ZNF808: variants seen among roughly 807,000 people sequenced by gnomAD.
ZNF808 encodes the protein zinc finger protein 808.
Under a neutral mutation model 8.7 loss-of-function variants are expected in ZNF808, and 5 were observed. The ratio of observed to expected loss-of-function variants is 0.58; its 90% CI spans 0.30 to 1.21. The LOEUF is 1.21. Ranked by LOEUF, ZNF808 falls within the 50% of genes most tolerant of loss-of-function variation. The pLI is 0.07. For synonymous variants in ZNF808, 380 were observed against 366.0 expected (o/e 1.04, Z -0.44); for missense variants, 1,103 against 1,098.4 (o/e 1.00, Z -0.06).
At chr19:52,558,383 T>C (rs2059845881), downstream of ZNF808, among the ~76,000 whole-genome samples, 1 of 148,090 alleles carries the variant, frequency 6.8e-6, no homozygotes, top group Non-Finnish European at 1.5e-5. Flanking sequence ...TTTTATTTAT[T>C]TTTTTTGAGA....
intron 3 of ZNF808, among the ~76,000 whole-genome samples, chr19:52,546,882 T>A (rs2059726507): frequency 6.6e-6 from 1 of 151,500 alleles, no homozygotes; most frequent in South Asian, 2.1e-4. Context: ...GACCACATTG[T>A]CTACCTGCCT....
chr19:52,567,097 A>G (rs2059874708), downstream of ZNF808, among the ~76,000 whole-genome samples: 1 of 151,402 alleles, frequency 6.6e-6, no homozygotes, highest in South Asian at 2.1e-4. Context: ...GATTACAGGC[A>G]TGCACCACCA....
intron 3 of ZNF808, among the ~76,000 whole-genome samples, chr19:52,543,698 A>G (rs116860573): frequency 0.023 from 3,525 of 152,332 alleles, 59 homozygotes; most frequent in Non-Finnish European, 0.034. Flanking sequence ...GTCAGCTCAG[A>G]GAAACTACAT....
chr19:52,554,827 G>T lies in ZNF808; in HGVS notation c.1911G>T (p.Gln637His). The T allele has an allele frequency of 6.2e-7, 1 of 1,614,040 alleles. No homozygotes were observed. Residue 637 changes from glutamine (Q) to histidine (H), a missense_variant, in exon 5 of 5, where the codon CAG becomes CAT. By Grantham distance (24) the Gln-to-His change is conservative (BLOSUM62 0). Coordinates refer to ENST00000359798, the MANE Select transcript of ZNF808 (RefSeq NM_001039886.4). ...ACACAGCTTTCACGTGGAATTCACA[G>T]CTGGCACGACATACAAGAATTCACA... ...VCDTAFTWNS[Q>H]LARHTRIHTG...
At chr19:52,544,841 T>A (rs1458453345) in intron 3 of ZNF808, among the ~76,000 whole-genome samples, 2 of 152,162 alleles carry the variant, frequency 1.3e-5, no homozygotes, top group African/African-American at 4.8e-5. Context: ...TGGATTGTAG[T>A]GGCGGCATCT....
At chr19:52,560,052 T>C (rs8105977), downstream of ZNF808, among the ~76,000 whole-genome samples, 537 of 152,302 alleles carry the variant, frequency 3.5e-3, 3 homozygotes, top group African/African-American at 0.013. Context: ...TTAGTAAGGA[T>C]TGGCCGGGTG....
At chr19:52,537,373 TAGAG>T (rs1172061721) in intron 2 of ZNF808, among the ~76,000 whole-genome samples, 2 of 150,944 alleles carry the variant, frequency 1.3e-5, no homozygotes, top group South Asian at 4.2e-4. Context: ...TGTACAGAAT[TAGAG>T]AGGGAAGCAC....
At chr19:52,558,230 C>T (rs1031914562), downstream of ZNF808, among the ~76,000 whole-genome samples, 1 of 151,156 alleles carries the variant, frequency 6.6e-6, no homozygotes, top group Non-Finnish European at 1.5e-5. Context: ...GGACTACAGG[C>T]GCCCGCCACC....
chr19:52,547,132 G>A (rs1156986560), intron 3 of ZNF808, among the ~76,000 whole-genome samples: 1 of 151,718 alleles, frequency 6.6e-6, no homozygotes. Flanking sequence ...ATTTTTAGTA[G>A]AGACAGGTTT....
At chr19:52,533,289 C>T (rs1417348956) in intron 2 of ZNF808, among the ~76,000 whole-genome samples, 8 of 151,938 alleles carry the variant, frequency 5.3e-5, no homozygotes, top group African/African-American at 1.5e-4. Context: ...TTAAATGGTG[C>T]GATCTCGGCT....
intron 4 of ZNF808, among the ~76,000 whole-genome samples, chr19:52,550,044 G>GT (rs983803673): frequency 1.6e-4 from 25 of 152,102 alleles, no homozygotes; most frequent in African/African-American, 5.3e-4. Context: ...TGTATTTTCT[G>GT]GTCTGGTCAT....
chr19:52,528,617 G>A (rs576654382), intron 1 of ZNF808, among the ~76,000 whole-genome samples: 1 of 152,216 alleles, frequency 6.6e-6, no homozygotes, highest in East Asian at 1.9e-4. Flanking sequence ...GCAGCAAAGA[G>A]GGAGGCTCAT....
At chr19:52,541,238 C>A (rs551166503) in intron 2 of ZNF808, among the ~76,000 whole-genome samples, 12 of 151,894 alleles carry the variant, frequency 7.9e-5, no homozygotes, top group Non-Finnish European at 1.2e-4. Flanking sequence ...ATGTGATCCA[C>A]CCCGCCTGGC....
rs2059800561 is a variant in ZNF808, at chr19:52,553,620, A to T, written c.704A>T (p.Glu235Val). 1.9e-6 allele frequency: 3 copies of T among 1,614,222 alleles called. No homozygotes were observed. The highest frequency in any genetic ancestry group is 2.5e-6 in the Non-Finnish European group (3 of 1,180,026). Residue 235 changes from glutamate (E) to valine (V), a missense_variant, in exon 5 of 5, where the codon GAG becomes GTG. Physicochemically the swap from Glu to Val is moderately radical, Grantham distance 121. Transcript: ENST00000359798. ...HMREKSFPCNESGKAFNCSSL... is the reference protein window; with the variant it reads ...HMREKSFPCNVSGKAFNCSSL... ...AGAGAAAAATCTTTCCCATGTAATG[A>T]GAGTGGCAAAGCCTTTAATTGTAGC...
rs1223943404 is a variant in ZNF808 at position 52,538,196 on chromosome 19, G to GT, written c.-19-5063dup. 2.7e-5 allele frequency among the ~76,000 whole-genome samples: 4 copies of GT among 149,018 alleles called. No homozygotes were observed. The East Asian group carries it at 8.0e-4, about 30-fold the overall frequency. ...CTAGTAGTTTTTTTTTTCTTTGTTT[G>GT]TTTTTTTGTAGAAACAGGGTTTCAG... On this transcript the variant is annotated intron_variant, in intron 2 of 4. Coordinates refer to ENST00000359798, the MANE Select transcript of ZNF808 (RefSeq NM_001039886.4).
intron 1 of ZNF808, among the ~76,000 whole-genome samples, chr19:52,530,351 C>T (rs1472139054): frequency 6.6e-6 from 1 of 152,080 alleles, no homozygotes; most frequent in Non-Finnish European, 1.5e-5. Context: ...TGAGCCACCA[C>T]TCTCAACCCA....
chr19:52,531,007 A>G (rs1185322259), intron 1 of ZNF808, among the ~76,000 whole-genome samples: 1 of 151,910 alleles, frequency 6.6e-6, no homozygotes, highest in South Asian at 2.1e-4. Flanking sequence ...AAATTAGCCA[A>G]GGGTGGTGGC....
At chr19:52,565,592 ATGTC>A (rs2059871233), downstream of ZNF808, among the ~76,000 whole-genome samples, 1 of 152,136 alleles carries the variant, frequency 6.6e-6, no homozygotes, top group Non-Finnish European at 1.5e-5. Context: ...CCTGAGTCAA[ATGTC>A]TGTCTGACTA....
In ZNF808 at chr19:52,555,070, C is replaced by A; in HGVS notation, c.2154C>A (p.Asn718Lys). 1 of 1,613,792 alleles carries A rather than the reference C, an allele frequency of 6.2e-7. No homozygotes were observed. The highest frequency in any genetic ancestry group is 8.5e-7 in the Non-Finnish European group (1 of 1,179,972). ...ATGAGTGCAGCAAGACCTTCAGTAA[C>A]AGGTCATCCCTTGTATGCCATCGTA... Reference protein sequence around the residue: ...KCNECSKTFSNRSSLVCHRRI... With the variant: ...KCNECSKTFSKRSSLVCHRRI... The change falls in exon 5 of 5, where the codon AAC becomes AAA. Residue 718 changes from asparagine to lysine, a missense_variant. Physicochemically the swap from Asn to Lys is moderately conservative, Grantham distance 94. Coordinates refer to ENST00000359798, the MANE Select transcript of ZNF808 (RefSeq NM_001039886.4).
Sources: allele counts gnomAD v4.1 joint callset (sites outside exome capture counted in the v4.1 genomes callset), GRCh38; gene constraint gnomAD v4.1.1; transcripts MANE v1.5; gene names NCBI Gene and HGNC (gene_info 2026-07-23, HGNC 2026-07-21).